CCDC180: variants seen among roughly 807,000 people sequenced by gnomAD.
CCDC180 encodes the protein coiled-coil domain containing 180, also known as coiled-coil domain-containing protein 180.
In CCDC180, 154 loss-of-function variants were observed where a neutral mutation model predicts 209.2. The observed-to-expected ratio is 0.74, with a 90% CI of 0.65 to 0.84. The LOEUF is 0.84. Ranked by LOEUF, CCDC180 falls within the 40% of genes least tolerant of loss-of-function variation. CCDC180 has a pLI of 0.00. For synonymous variants in CCDC180, 778 were observed against 749.1 expected (o/e 1.04, Z -0.63); for missense variants, 1,874 against 1,997.3 (o/e 0.94, Z 1.18).
Position 97,374,598 on chromosome 9 carries a change from G to T in CCDC180, c.4656G>T (p.Gly1552=). The T allele has an allele frequency of 6.2e-7, 1 of 1,614,148 alleles. No individual in the cohort carries two copies. Among genetic ancestry groups the T allele is most frequent in the Non-Finnish European group, 8.5e-7 (1 of 1,180,044 alleles). The change falls in exon 35 of 37, where the codon GGG becomes GGT. Residue 1552 remains glycine (G), a synonymous_variant. Transcript: ENST00000529487. ...LSMLIRRKLA[G]LSLKEESEKP... ...TGCTCATACGAAGGAAACTCGCTGGGCTCTCCCTGAAGGAAGAGAGTGAGA... is the reference window on the plus strand; with the variant it reads ...TGCTCATACGAAGGAAACTCGCTGGTCTCTCCCTGAAGGAAGAGAGTGAGA...
rs769936754 is a variant in CCDC180, at chr9:97,349,246, T to C, written c.2810T>C (p.Ile937Thr). ...NVRSKNFRLK[I>T]YDMEHIFLNA... ...AGGAGCAAAAACTTCCGCCTTAAGA[T>C]CTATGACATGGAGCACATCTTCTTG... Residue 937 changes from isoleucine (I) to threonine (T), a missense_variant, in exon 21 of 37, where the codon ATC becomes ACC. Transcript: ENST00000529487. 6.5e-7 allele frequency: 1 copy of C among 1,536,596 alleles called. No individual in the cohort carries two copies. Among genetic ancestry groups the C allele is most frequent in the South Asian group, 1.2e-5 (1 of 84,044 alleles).
chr9:97,335,235 T>A (rs1317503740), intron 18 of CCDC180, among the ~76,000 whole-genome samples: 1 of 152,160 alleles, frequency 6.6e-6, no homozygotes, highest in Non-Finnish European at 1.5e-5. Flanking sequence ...ATGTGCAGGT[T>A]TGTTACATAT....
At chr9:97,371,534 C>G in intron 33 of CCDC180, 61 bp from the exon 34 acceptor site, 1 of 1,066,818 alleles carries the variant, frequency 9.4e-7, no homozygotes, top group Non-Finnish European at 1.4e-6. Flanking sequence ...ATCCCCTCTT[C>G]AGCTGGCCTT....
intron 18 of CCDC180, among the ~76,000 whole-genome samples, chr9:97,339,425 T>G (rs1826008567): frequency 2.0e-5 from 3 of 152,226 alleles, no homozygotes; most frequent in Admixed American, 1.3e-4. Flanking sequence ...GAAGCTTAGT[T>G]TGGCTGGATA....
chr9:97,324,618 C>T (rs1425164004), intron 13 of CCDC180, among the ~76,000 whole-genome samples: 1 of 152,138 alleles, frequency 6.6e-6, no homozygotes, highest in Admixed American at 6.5e-5. Flanking sequence ...GATTTCACAG[C>T]AGGTGTGGTG....
intron 18 of CCDC180, among the ~76,000 whole-genome samples, chr9:97,337,873 T>C (rs1825957890): frequency 6.6e-6 from 1 of 152,250 alleles, no homozygotes; most frequent in Non-Finnish European, 1.5e-5. Flanking sequence ...GGATTCAACT[T>C]CTTCCTGGTT....
intron 18 of CCDC180, among the ~76,000 whole-genome samples, chr9:97,333,781 A>G (rs1281038001): frequency 5.3e-5 from 8 of 151,760 alleles, no homozygotes; most frequent in South Asian, 4.1e-4. Flanking sequence ...CAGTGATCCA[A>G]TTCTTTACTC....
At position 97,349,210 on chromosome 9, in the gene CCDC180, A is replaced by G. The variant is rs1826355963; in HGVS notation, c.2774A>G (p.Glu925Gly). The change falls in exon 21 of 37, where the codon GAG becomes GGG. Residue 925 changes from glutamate (E) to glycine (G), a missense_variant. Glu to Gly is a moderately conservative substitution (Grantham distance 98). Coordinates refer to ENST00000529487, the MANE Select transcript of CCDC180 (RefSeq NM_020893.6). The stretch of plus-strand genomic sequence containing the variant: ...CTGATGTTCTGCCAGTTCCAAGAAG[A>G]GCAAAACGTGAGGAGCAAAAACTTC... ...KRLMFCQFQE[E>G]QNVRSKNFRL... 2 of 1,536,616 alleles carry G rather than the reference A, an allele frequency of 1.3e-6. No homozygotes were observed. Among genetic ancestry groups the G allele is most frequent in the Admixed American group, 3.9e-5 (2 of 50,996 alleles).
At chr9:97,324,275 C>T (rs1005037491) in intron 13 of CCDC180, among the ~76,000 whole-genome samples, 2 of 152,184 alleles carry the variant, frequency 1.3e-5, no homozygotes, top group African/African-American at 4.8e-5. Flanking sequence ...ATTTTAGGCT[C>T]TGTGGGCCAT....
intron 34 of CCDC180, 50 bp downstream of exon 34, chr9:97,371,756 G>T (rs971299605): frequency 1.2e-5 from 15 of 1,231,920 alleles, no homozygotes; most frequent in Non-Finnish European, 1.5e-5. Flanking sequence ...GCTGGTGAGG[G>T]CTAGGTTGGG....
chr9:97,341,134 G>A (rs568311596), intron 18 of CCDC180, among the ~76,000 whole-genome samples: 1 of 152,152 alleles, frequency 6.6e-6, no homozygotes, highest in South Asian at 2.1e-4. Flanking sequence ...TGTGACCCAC[G>A]TGACCTTACC....
chr9:97,327,899 A>G (rs183539981), intron 15 of CCDC180, 121 bp from the exon 16 acceptor site: 1 of 1,070,848 alleles, frequency 9.3e-7, no homozygotes, highest in Non-Finnish European at 1.3e-6. Flanking sequence ...GACTGCTGCT[A>G]TAAAAGAGCA....
rs1175635086 is a variant in CCDC180 at position 97,325,146 on chromosome 9, A to G, written c.1499A>G (p.Glu500Gly). The G allele has an allele frequency of 2.5e-6, 4 of 1,611,306 alleles. No individual in the cohort carries two copies. The highest frequency in any genetic ancestry group is 3.4e-6 in the Non-Finnish European group (4 of 1,178,958). Residue 500 changes from glutamate to glycine, a missense_variant, in exon 14 of 37, where the codon GAG (glutamate) becomes GGG (glycine). Physicochemically the swap from Glu to Gly is moderately conservative, Grantham distance 98. Transcript: ENST00000529487. Reference sequence around the variant, plus strand: ...CTGTTGGTGCAGGAGCTGGAGCTGGAGAAGAGGATGGAGCAGCACCGGCAG... The same window carrying G: ...CTGTTGGTGCAGGAGCTGGAGCTGGGGAAGAGGATGGAGCAGCACCGGCAG... ...SELLVQELEL[E>G]KRMEQHRQKH...
At chr9:97,359,099 A>G (rs1826677171) in intron 25 of CCDC180, among the ~76,000 whole-genome samples, 1 of 152,212 alleles carries the variant, frequency 6.6e-6, no homozygotes, top group Non-Finnish European at 1.5e-5. Flanking sequence ...CCTGCAGTGC[A>G]GTTGTGCAGA....
At chr9:97,342,338 G>A (rs1826111062) in intron 18 of CCDC180, among the ~76,000 whole-genome samples, 1 of 152,156 alleles carries the variant, frequency 6.6e-6, no homozygotes, top group Admixed American at 6.5e-5. Flanking sequence ...ATTTTTAGTA[G>A]AGACAGGGTT....
intron 11 of CCDC180, among the ~76,000 whole-genome samples, chr9:97,320,980 TC>T (rs964920047): frequency 6.6e-6 from 1 of 152,182 alleles, no homozygotes; most frequent in Non-Finnish European, 1.5e-5. Context: ...TTGCTCTTTT[TC>T]TGGGGGCTGT....
At chr9:97,361,595 C>T (rs1826753808) in intron 26 of CCDC180, 131 bp from the exon 27 acceptor site, 2 of 756,252 alleles carry the variant, frequency 2.6e-6, no homozygotes, top group African/African-American at 1.8e-5. Context: ...AATAGTGGCT[C>T]AATGAGGTCA....
chr9:97,329,710 G>A (rs572668783), intron 16 of CCDC180, among the ~76,000 whole-genome samples: 11 of 152,166 alleles, frequency 7.2e-5, no homozygotes, highest in Non-Finnish European at 1.5e-4. Context: ...AATTACCCCA[G>A]GGAACTAAGT....
intron 15 of CCDC180, among the ~76,000 whole-genome samples, 188 bp downstream of exon 15, chr9:97,326,857 T>C (rs1376040886): frequency 1.3e-5 from 2 of 152,190 alleles, no homozygotes; most frequent in Non-Finnish European, 2.9e-5. Flanking sequence ...GGGAGAATTT[T>C]TTAAAGTTTT....
Sources: allele counts gnomAD v4.1 joint callset (sites outside exome capture counted in the v4.1 genomes callset), GRCh38; gene constraint gnomAD v4.1.1; transcripts MANE v1.5; gene names NCBI Gene and HGNC (gene_info 2026-07-23, HGNC 2026-07-21).